TNPO1: variants seen among roughly 807,000 people sequenced by gnomAD.
The protein encoded by TNPO1 is transportin-1.
Under a neutral mutation model 119.5 loss-of-function variants are expected in TNPO1, and 8 were observed. That is an observed-to-expected ratio of 0.07 (90% CI 0.04 to 0.12). TNPO1 has a LOEUF of 0.12. TNPO1 is among the 10% of genes least tolerant of loss of function. The probability of loss-of-function intolerance (pLI) is 1.00; values close to 1 mark genes in which losing one functional copy is unlikely to be tolerated. For synonymous variants in TNPO1, 362 were observed against 363.0 expected, an observed-to-expected ratio of 1.00 and a Z score of 0.03; for missense variants, 576 against 1,089.8, an observed-to-expected ratio of 0.53 and a Z score of 6.64.
At chr5:72,880,496 T>C (rs894799081) in intron 9 of TNPO1, among the ~76,000 whole-genome samples, 22 of 152,134 alleles carry the variant, frequency 1.4e-4, no homozygotes, top group African/African-American at 5.1e-4. Context: ...GTCTATGTTA[T>C]TACTTTATGT....
At chr5:72,868,016 GTTAT>G (rs1747056866) in intron 6 of TNPO1, among the ~76,000 whole-genome samples, 1 of 151,914 alleles carries the variant, frequency 6.6e-6, no homozygotes, top group Non-Finnish European at 1.5e-5. Context: ...TTTCTACTAG[GTTAT>G]TTGTACTCCA....
rs1421306362 is a variant in TNPO1 at position 72,912,732 on chromosome 5, C to T, written c.*4059C>T. 1 of 152,290 alleles carries T rather than the reference C, an allele frequency of 6.6e-6. No individual in the cohort carries two copies. The highest frequency in any genetic ancestry group is 1.5e-5 in the Non-Finnish European group (1 of 67,898). The allele number at this position is 152,290 out of a possible 1,614,324, so 9.4% of individuals were successfully genotyped here. On this transcript the variant is annotated 3_prime_UTR_variant, in exon 25 of 25. Coordinates refer to ENST00000337273, the MANE Select transcript of TNPO1 (RefSeq NM_002270.4). The stretch of plus-strand genomic sequence containing the variant: ...TTCTCCCCTATATAAAATTATTCTG[C>T]CTAGCAGAAATGCCAGAAATAAATT...
intron 20 of TNPO1, among the ~76,000 whole-genome samples, chr5:72,898,348 T>C (rs181177679): frequency 1.2e-4 from 19 of 152,230 alleles, no homozygotes; most frequent in Non-Finnish European, 2.5e-4. Flanking sequence ...GTTACATAGT[T>C]TGTTTAACAA....
intron 1 of TNPO1, among the ~76,000 whole-genome samples, chr5:72,823,430 C>T (rs1040043545): frequency 6.6e-6 from 1 of 152,154 alleles, no homozygotes; most frequent in African/African-American, 2.4e-5. Context: ...CACAGTGATA[C>T]CCTCGTGCAC....
chr5:72,844,416 G>C (rs1320124753), intron 1 of TNPO1, among the ~76,000 whole-genome samples: 1 of 152,184 alleles, frequency 6.6e-6, no homozygotes, highest in African/African-American at 2.4e-5. Context: ...ATTCCCAGCA[G>C]GAAATCCCTA....
intron 6 of TNPO1, chr5:72,871,602 A>ATT (rs1171294563): frequency 1.2e-4 from 19 of 152,252 alleles, no homozygotes; most frequent in Non-Finnish European, 1.5e-5. Flanking sequence ...GAGATACTTT[A>ATT]TGTAAATGGC....
At chr5:72,875,210 A>G (rs991140403) in intron 7 of TNPO1, among the ~76,000 whole-genome samples, 2 of 152,196 alleles carry the variant, frequency 1.3e-5, no homozygotes, top group African/African-American at 4.8e-5. Flanking sequence ...GTATACTAAT[A>G]TTTGTCGATT....
chr5:72,887,441 G>A (rs757835498), intron 12 of TNPO1, among the ~76,000 whole-genome samples: 1 of 152,216 alleles, frequency 6.6e-6, no homozygotes, highest in South Asian at 2.1e-4. Context: ...TATAATCTCA[G>A]CACTTTGGGA....
chr5:72,906,590 G>A (rs1324358584), intron 24 of TNPO1, among the ~76,000 whole-genome samples: 1 of 151,976 alleles, frequency 6.6e-6, no homozygotes, highest in African/African-American at 2.4e-5. Flanking sequence ...TGAGCCCAGT[G>A]CCTAGGACTA....
At chr5:72,821,552 G>C (rs1323572076) in intron 1 of TNPO1, among the ~76,000 whole-genome samples, 6 of 152,092 alleles carry the variant, frequency 3.9e-5, no homozygotes, top group Admixed American at 3.9e-4. Context: ...ATTTTGACTG[G>C]AGCATAGCAG....
chr5:72,855,154 C>T (rs1363686151), intron 3 of TNPO1, among the ~76,000 whole-genome samples: 3 of 151,976 alleles, frequency 2.0e-5, no homozygotes, highest in Admixed American at 6.6e-5. Context: ...CACCACCATG[C>T]CTGGCTAATT....
intron 6 of TNPO1, among the ~76,000 whole-genome samples, chr5:72,871,442 G>A (rs951677906): frequency 6.6e-6 from 1 of 152,154 alleles, no homozygotes; most frequent in African/African-American, 2.4e-5. Context: ...AAAATCAACT[G>A]TTTTTGGCAC....
chr5:72,819,977 A>G (rs2112154694), intron 1 of TNPO1, among the ~76,000 whole-genome samples: 1 of 152,316 alleles, frequency 6.6e-6, no homozygotes. Context: ...ACTATAGAAA[A>G]CCATAAAATA....
chr5:72,894,737 T>G (rs1449894719), intron 18 of TNPO1, among the ~76,000 whole-genome samples: 2 of 152,234 alleles, frequency 1.3e-5, no homozygotes, highest in African/African-American at 4.8e-5. Flanking sequence ...TTTTGTCATC[T>G]GATATAATTG....
chr5:72,907,246 T>G (rs1561366867), intron 24 of TNPO1, among the ~76,000 whole-genome samples: 1 of 152,204 alleles, frequency 6.6e-6, no homozygotes, highest in Non-Finnish European at 1.5e-5. Flanking sequence ...GAATGACTTG[T>G]AGCTTCAAAG....
chr5:72,876,365 C>T (rs749910826), intron 8 of TNPO1, among the ~76,000 whole-genome samples: 14 of 152,212 alleles, frequency 9.2e-5, no homozygotes, highest in Non-Finnish European at 1.9e-4. Flanking sequence ...GTTGGCACTT[C>T]TACCCTCAGG....
At chr5:72,895,158 ATTC>A (rs1749332459) in intron 18 of TNPO1, among the ~76,000 whole-genome samples, 6 of 152,068 alleles carry the variant, frequency 3.9e-5, no homozygotes, top group Non-Finnish European at 7.4e-5. Flanking sequence ...CATGTTTTTT[ATTC>A]TAAAGAGTTT....
chr5:72,839,096 G>A (rs1434208561), intron 1 of TNPO1, among the ~76,000 whole-genome samples: 2 of 152,058 alleles, frequency 1.3e-5, no homozygotes, highest in African/African-American at 4.8e-5. Context: ...TATTGGACTA[G>A]GGTTAACAAT....
intron 20 of TNPO1, 71 bp from the exon 21 acceptor site, chr5:72,899,935 C>G: frequency 6.8e-6 from 8 of 1,171,032 alleles, no homozygotes; most frequent in Non-Finnish European, 1.0e-5. Flanking sequence ...TTTATTTTTT[C>G]TCCTTCCCCC....
Sources: gnomAD v4.1 joint callset for allele counts (sites outside exome capture counted in the v4.1 genomes callset) on GRCh38, gnomAD v4.1.1 for gene constraint, MANE v1.5 for transcripts, NCBI Gene and HGNC (gene_info 2026-07-23, HGNC 2026-07-21) for gene names.